RCHY1: variants seen among roughly 807,000 people sequenced by gnomAD.
RCHY1 encodes the protein ring finger and CHY zinc finger domain containing 1.
A neutral mutation model predicts 41.6 loss-of-function variants in RCHY1; 21 were observed. The observed-to-expected ratio is 0.51, with a 90% CI of 0.36 to 0.73. The LOEUF is 0.73. Among genes scored for constraint, RCHY1 ranks in the 30% least tolerant of loss-of-function variants. The probability of loss-of-function intolerance (pLI) is 0.00; values close to 1 mark genes in which losing one functional copy is unlikely to be tolerated. For synonymous variants in RCHY1, 79 were observed against 102.9 expected (o/e 0.77, Z 1.41); for missense variants, 265 against 325.3 (o/e 0.81, Z 1.43).
rs1282866414 is a variant in RCHY1 at position 75,480,308 on chromosome 4, C to T, written c.*2230G>A. On this transcript the variant is annotated 3_prime_UTR_variant, in exon 9 of 9. Coordinates refer to ENST00000324439, the MANE Select transcript of RCHY1 (RefSeq NM_015436.4). ...AATAAGACTTTCTAACTAGAGTCAC[C>T]TAAAAAAATGAAAGGTTAATCTATC... 1 of 151,964 alleles carries T rather than the reference C, an allele frequency of 6.6e-6. No individual in the cohort carries two copies. Among genetic ancestry groups the T allele is most frequent in the Admixed American group, 6.6e-5 (1 of 15,262 alleles). 9.4% of individuals were successfully genotyped at this position (151,964 alleles called of 1,614,324 possible).
chr4:75,508,762 A>G, intron 3 of RCHY1, 58 bp downstream of exon 3: 1 of 946,258 alleles, frequency 1.1e-6, no homozygotes, highest in South Asian at 1.7e-5. Context: ...TTGATTTTAA[A>G]AACTATTATT....
At chr4:75,507,863 T>C (rs534090860) in intron 3 of RCHY1, among the ~76,000 whole-genome samples, 1 of 152,214 alleles carries the variant, frequency 6.6e-6, no homozygotes. Flanking sequence ...ATGATTCCAT[T>C]CATTAAAAAC....
At position 75,491,897 on chromosome 4, in the gene RCHY1, A is replaced by G; in HGVS notation, c.442T>C (p.Cys148Arg). ...AAATATTTTAAGCCTACCTCCAAACATATTGGACAATTCTGTCGGGACACA... is the reference window on the plus strand; with the variant it reads ...AAATATTTTAAGCCTACCTCCAAACGTATTGGACAATTCTGTCGGGACACA... Reference protein sequence around the residue: ...ENVSRQNCPICLEDIHTSRVV... With the variant: ...ENVSRQNCPIRLEDIHTSRVV... The change falls in exon 5 of 9, where the codon TGT (cysteine) becomes CGT (arginine). Residue 148 changes from cysteine to arginine, a missense_variant. Transcript: ENST00000324439. 3.7e-6 allele frequency: 6 copies of G among 1,609,042 alleles called. No homozygotes were observed. The highest frequency in any genetic ancestry group is 1.3e-5 in the African/African-American group (1 of 74,768).
At chr4:75,494,422 G>GAC (rs1046379049) in intron 3 of RCHY1, 11 of 391,472 alleles carry the variant, frequency 2.8e-5, no homozygotes, top group East Asian at 2.0e-4. Context: ...GAGAAACACA[G>GAC]ACACACACAC....
intron 3 of RCHY1, among the ~76,000 whole-genome samples, chr4:75,508,550 A>G (rs1372779640): frequency 6.6e-6 from 1 of 152,120 alleles, no homozygotes; most frequent in Non-Finnish European, 1.5e-5. Context: ...TTATAATCCA[A>G]AGGTAAAATT....
In RCHY1 at chr4:75,481,178, G is replaced by A. The variant is rs1159012773; in HGVS notation, c.*1360C>T. 1 of 152,190 alleles carries A rather than the reference G, an allele frequency of 6.6e-6. No homozygotes were observed. Among genetic ancestry groups the A allele is most frequent in the East Asian group, 1.9e-4 (1 of 5,204 alleles). The allele number at this position is 152,190 out of a possible 1,614,324, so 9.4% of individuals were successfully genotyped here. On this transcript the variant is annotated 3_prime_UTR_variant, in exon 9 of 9. Transcript: ENST00000324439. The stretch of plus-strand genomic sequence containing the variant: ...AGAAGGTGGGATAAAATAAAGATCT[G>A]AGTCCCAAACTGCTGCCTTTATCTA...
intron 1 of RCHY1, among the ~76,000 whole-genome samples, chr4:75,510,140 C>A (rs1458662340): frequency 1.3e-5 from 2 of 152,088 alleles, no homozygotes; most frequent in Non-Finnish European, 2.9e-5. Context: ...GCAAAGACTG[C>A]CAGTTGTCCA....
intron 3 of RCHY1, among the ~76,000 whole-genome samples, chr4:75,498,524 C>T (rs1488016396): frequency 6.7e-6 from 1 of 148,914 alleles, no homozygotes; most frequent in Non-Finnish European, 1.5e-5. Flanking sequence ...CTTCACACTA[C>T]CTAACTTCAA....
chr4:75,500,248 T>C (rs1723626224), intron 3 of RCHY1, among the ~76,000 whole-genome samples: 1 of 152,236 alleles, frequency 6.6e-6, no homozygotes, highest in Non-Finnish European at 1.5e-5. Flanking sequence ...ACCTAATACA[T>C]GTCAATACAA....
At chr4:75,491,505 G>T in intron 7 of RCHY1, 106 bp downstream of exon 7, 6 of 962,556 alleles carry the variant, frequency 6.2e-6, no homozygotes, top group Non-Finnish European at 7.9e-6. Flanking sequence ...TATAAATATT[G>T]CCATGCCCAA....
rs1027484197 is a variant in RCHY1, at chr4:75,491,535, T to C, written c.536+76A>G. The stretch of plus-strand genomic sequence containing the variant: ...GCCCAATATAGTATAAGTAACAATG[T>C]TTGTCCACCTCCCCACACCACACAC... On this transcript the variant is annotated intron_variant, in intron 7 of 8. Transcript: ENST00000324439. 4 of 1,333,638 alleles carry C rather than the reference T, an allele frequency of 3.0e-6. No homozygotes were observed. In the East Asian group the frequency reaches 9.3e-5, roughly 31 times the overall value. 82.6% of individuals were successfully genotyped at this position (1,333,638 alleles called of 1,614,324 possible).
intron 1 of RCHY1, chr4:75,509,768 T>G (rs1724693734): frequency 5.7e-6 from 1 of 174,546 alleles, no homozygotes; most frequent in Non-Finnish European, 1.2e-5. Context: ...GTTTCCACTT[T>G]TGCTTCTTCC....
chr4:75,497,604 ACT>A lies in RCHY1; in HGVS notation c.327-3427_327-3426del, dbSNP rs953339681. On this transcript the variant is annotated intron_variant, in intron 3 of 8. Transcript: ENST00000324439. The stretch of plus-strand genomic sequence containing the variant: ...TTAAACTCTGTTAAGTTTAATTTAA[ACT>A]CTGTTAAGTTTAATTTAAACTCTGT... Among the ~76,000 whole-genome samples, 6 of 152,270 alleles carry A rather than the reference ACT, an allele frequency of 3.9e-5. No homozygotes were observed. The East Asian group carries it at 5.8e-4, about 15-fold the overall frequency.
rs1377754418 is a variant in RCHY1 at position 75,482,671 on chromosome 4, AAAG to A, written c.658-8_658-6del. 6 of 1,588,578 alleles carry A rather than the reference AAAG, an allele frequency of 3.8e-6. No individual in the cohort carries two copies. The highest frequency in any genetic ancestry group is 5.2e-6 in the Non-Finnish European group (6 of 1,164,534). ...ATTACAGTCATTGCAGAGAATCTGA[AAAG>A]AGATTAATTCAAATTAAGTATTTTA... On this transcript the variant is annotated splice_region_variant and splice_polypyrimidine_tract_variant and intron_variant, in intron 8 of 8. Transcript: ENST00000324439.
intron 8 of RCHY1, among the ~76,000 whole-genome samples, chr4:75,487,797 A>C: frequency 1.9e-5 from 1 of 53,228 alleles, no homozygotes; most frequent in Non-Finnish European, 3.0e-5. Context: ...ATATATATTC[A>C]TATATATATT....
Position 75,490,635 on chromosome 4 carries a change from A to G in RCHY1, c.603T>C (p.Asp201=). The G allele has an allele frequency of 6.2e-7, 1 of 1,611,672 alleles. No individual in the cohort carries two copies. The change falls in exon 8 of 9, where the codon GAT becomes GAC. Residue 201 remains aspartate, a synonymous_variant. Transcript: ENST00000324439. ...LDMTRYWRQL[D]DEVAQTPMPS... is the part of the protein sequence containing the mutation. ...GCATAGGAGTCTGTGCTACTTCATC[A>G]TCCAGCTGTCTCCAATACCTGGTCA...
At chr4:75,514,014 G>A (rs770410354) in intron 1 of RCHY1, 183 bp downstream of exon 1, 21 of 864,252 alleles carry the variant, frequency 2.4e-5, no homozygotes, top group Non-Finnish European at 3.2e-5. Flanking sequence ...AAGCAGGTAG[G>A]AAAGGTGGGG....
rs971231781 is a variant in RCHY1, at chr4:75,486,567, C to T, written c.658-3901G>A. ...GTTCAAAATTACTTCCTAGGGTTTT[C>T]ACTGGAAATTAGGATTACTAAGAGT... On this transcript the variant is annotated intron_variant, in intron 8 of 8. Transcript: ENST00000324439. Among the ~76,000 whole-genome samples, 4 of 151,804 alleles carry T rather than the reference C, an allele frequency of 2.6e-5. No homozygotes were observed. In the South Asian group the frequency reaches 8.3e-4, roughly 32 times the overall value.
intron 8 of RCHY1, among the ~76,000 whole-genome samples, chr4:75,483,442 C>T (rs557806166): frequency 4.1e-4 from 63 of 152,086 alleles, no homozygotes; most frequent in African/African-American, 1.4e-3. Context: ...AGGCCTGGGG[C>T]GTTAGGGAAT....
Sources: gnomAD v4.1 joint callset for allele counts (sites outside exome capture counted in the v4.1 genomes callset) on GRCh38, gnomAD v4.1.1 for gene constraint, MANE v1.5 for transcripts, NCBI Gene and HGNC (gene_info 2026-07-23, HGNC 2026-07-21) for gene names.